The following OSBPL5 variants were observed in gnomAD, a reference collection of about 807,000 sequenced individuals.
OSBPL5 encodes oxysterol-binding protein-related protein 5.
A neutral mutation model predicts 111.2 loss-of-function variants in OSBPL5; 71 were observed. The observed-to-expected ratio is 0.64, with a 90% confidence interval of 0.53 to 0.78. The LOEUF (loss-of-function observed/expected upper bound fraction) is 0.78. Among genes scored for constraint, OSBPL5 ranks in the 30% least tolerant of loss-of-function variants. The pLI is 0.00. For synonymous variants in OSBPL5, 549 were observed against 513.9 expected (o/e 1.07, Z -0.93); for missense variants, 1,210 against 1,189.3 (o/e 1.02, Z -0.26).
At chr11:3,129,759 C>T (rs1395636822) in intron 1 of OSBPL5, among the ~76,000 whole-genome samples, 1 of 152,242 alleles carries the variant, frequency 6.6e-6, no homozygotes, top group Non-Finnish European at 1.5e-5. Flanking sequence ...CAGTTGCACC[C>T]ACATGCACCC....
intron 7 of OSBPL5, among the ~76,000 whole-genome samples, chr11:3,114,953 A>G (rs1339814641): frequency 6.6e-6 from 1 of 152,002 alleles, no homozygotes; most frequent in East Asian, 1.9e-4. Flanking sequence ...AGATATTTTA[A>G]TTTTTTAATT....
intron 11 of OSBPL5, among the ~76,000 whole-genome samples, chr11:3,102,728 C>T (rs921897976): frequency 5.3e-5 from 8 of 152,174 alleles, no homozygotes; most frequent in Admixed American, 5.2e-4. Context: ...TCGTGGTTTT[C>T]AAACTTGCTT....
At chr11:3,139,047 T>C (rs1368601011) in intron 1 of OSBPL5, among the ~76,000 whole-genome samples, 1 of 152,200 alleles carries the variant, frequency 6.6e-6, no homozygotes. Flanking sequence ...TGATGGGTCT[T>C]CGCTGACACC....
intron 1 of OSBPL5, among the ~76,000 whole-genome samples, chr11:3,144,113 C>T (rs948804021): frequency 2.3e-4 from 35 of 152,162 alleles, no homozygotes; most frequent in Admixed American, 4.6e-4. Context: ...AGACCAAACA[C>T]GGGTTTATTG....
intron 11 of OSBPL5, among the ~76,000 whole-genome samples, chr11:3,103,029 G>A (rs777785194): frequency 2.0e-5 from 3 of 152,156 alleles, no homozygotes; most frequent in African/African-American, 4.8e-5. Flanking sequence ...TTGGGGACCC[G>A]GCCTGAGCCA....
rs1296065364 is a variant in OSBPL5 at position 3,092,018 on chromosome 11, T to C, written c.2259+414A>G. Among the ~76,000 whole-genome samples the C allele has an allele frequency of 4.6e-5, 7 of 152,190 alleles. No individual in the cohort carries two copies. The highest frequency in any genetic ancestry group is 1.0e-4 in the Non-Finnish European group (7 of 68,028). ...AAGGCAGCTTCCTCAGGTTACTCCC[T>C]GGAGCCTCCTGCTGTCCCGCTTCCC... On this transcript the variant is annotated intron_variant, in intron 19 of 21. Coordinates refer to ENST00000263650, the MANE Select transcript of OSBPL5 (RefSeq NM_020896.4). The surrounding 1 kb of genome is among the most constrained non-coding windows in gnomAD (Gnocchi z 5.4).
At chr11:3,149,574 C>T (rs1846497665) in intron 1 of OSBPL5, among the ~76,000 whole-genome samples, 1 of 152,252 alleles carries the variant, frequency 6.6e-6, no homozygotes, top group South Asian at 2.1e-4. Context: ...CGTCAGGCAG[C>T]AGCAGCAGCA....
At position 3,162,020 on chromosome 11, in the gene OSBPL5, G is replaced by C. The variant is rs1262708729; in HGVS notation, c.-22+3196C>G. Among the ~76,000 whole-genome samples the C allele has an allele frequency of 6.6e-6, 1 of 152,186 alleles. No individual in the cohort carries two copies. On this transcript the variant is annotated intron_variant, in intron 1 of 21. Transcript: ENST00000263650. The surrounding 1 kb of genome is among the most constrained non-coding windows in gnomAD (Gnocchi z 8.1). ...AGGAGAACAAGGGAAGGGAGACAGA[G>C]TGGAGGGGCATCTAGGGCCTGTGGG...
intron 17 of OSBPL5, 101 bp downstream of exon 17, chr11:3,093,426 C>T: frequency 6.6e-7 from 1 of 1,506,966 alleles, no homozygotes; most frequent in African/African-American, 1.4e-5. Context: ...CTGCCAGGGA[C>T]ATCCTGGGGC....
intron 2 of OSBPL5, among the ~76,000 whole-genome samples, chr11:3,127,484 G>T (rs529849198): frequency 6.6e-6 from 1 of 152,302 alleles, no homozygotes; most frequent in Non-Finnish European, 1.5e-5. Flanking sequence ...AAGTGGTTCT[G>T]TCCAAAGGTC....
chr11:3,141,427 A>G lies in OSBPL5; in HGVS notation c.-21-12258T>C, dbSNP rs1846111151. On this transcript the variant is annotated intron_variant, in intron 1 of 21. Coordinates refer to ENST00000263650, the MANE Select transcript of OSBPL5 (RefSeq NM_020896.4). This position sits in a 1 kb window ranked among gnomAD's most constrained non-coding sequence, Gnocchi z 6.5. Reference sequence around the variant, plus strand: ...CCCCGAGGCCTCCTTGGTTCCCCTCAGAACAGAGCTTCCAGAAGGGCCCCC... The same window carrying G: ...CCCCGAGGCCTCCTTGGTTCCCCTCGGAACAGAGCTTCCAGAAGGGCCCCC... Among the ~76,000 whole-genome samples the G allele has an allele frequency of 6.6e-6, 1 of 152,120 alleles. No individual in the cohort carries two copies. The highest frequency in any genetic ancestry group is 2.4e-5 in the African/African-American group (1 of 41,438).
At position 3,140,023 on chromosome 11, in the gene OSBPL5, C is replaced by T. The variant is rs1356210193; in HGVS notation, c.-21-10854G>A. 6.6e-6 allele frequency among the ~76,000 whole-genome samples: 1 copy of T among 152,232 alleles called. No homozygotes were observed. The highest frequency in any genetic ancestry group is 1.5e-5 in the Non-Finnish European group (1 of 68,030). On this transcript the variant is annotated intron_variant, in intron 1 of 21. Transcript: ENST00000263650. This position sits in a 1 kb window ranked among gnomAD's most constrained non-coding sequence, Gnocchi z 4.5. ...AAGCCAGCCTCACAAGATCATTCAT[C>T]GCAAGCTCTGGGCCCACTGCTCGGC...
chr11:3,114,765 AT>A (rs900436124), intron 7 of OSBPL5, among the ~76,000 whole-genome samples: 6 of 149,740 alleles, frequency 4.0e-5, no homozygotes, highest in African/African-American at 7.4e-5. Context: ...CGCCTGGCTA[AT>A]TTTTTTTTGT....
intron 7 of OSBPL5, 123 bp downstream of exon 7, chr11:3,119,413 TGGCCAGACTTC>T: frequency 2.3e-6 from 2 of 860,996 alleles, no homozygotes; most frequent in Non-Finnish European, 3.4e-6. Context: ...GGGCTCATCC[TGGCCAGACTTC>T]AGGCTGCCCC....
intron 13 of OSBPL5, among the ~76,000 whole-genome samples, chr11:3,100,755 C>A (rs1013235065): frequency 6.6e-6 from 1 of 152,144 alleles, no homozygotes; most frequent in East Asian, 1.9e-4. Context: ...AGGCGCACAC[C>A]TGCCCATGGA....
rs1856921816 is a variant in OSBPL5 at position 3,087,807 on chromosome 11, C to T, written c.*398G>A. 2.9e-5 allele frequency: 2 copies of T among 68,646 alleles called. No homozygotes were observed. Among genetic ancestry groups the T allele is most frequent in the African/African-American group, 9.4e-5 (2 of 21,242 alleles). The allele number at this position is 68,646 out of a possible 1,614,324, so 4.3% of individuals were successfully genotyped here. On this transcript the variant is annotated 3_prime_UTR_variant, in exon 22 of 22. Coordinates refer to ENST00000263650, the MANE Select transcript of OSBPL5 (RefSeq NM_020896.4). The stretch of plus-strand genomic sequence containing the variant: ...GACTCCTGGGCCACTCGGGGCTCCT[C>T]CAAACCTGCCCACTCACTGCTGCTG...
chr11:3,118,168 T>C (rs1858275485), intron 7 of OSBPL5, among the ~76,000 whole-genome samples: 1 of 152,148 alleles, frequency 6.6e-6, no homozygotes, highest in African/African-American at 2.4e-5. Context: ...GGGGGAAATG[T>C]GAAAGGAAAA....
chr11:3,108,861 C>T (rs193035695), intron 7 of OSBPL5, among the ~76,000 whole-genome samples: 2 of 152,148 alleles, frequency 1.3e-5, no homozygotes, highest in African/African-American at 2.4e-5. Context: ...CTCTGCCTCC[C>T]GGGTTCAAGC....
At chr11:3,124,360 A>T (rs142252408) in intron 3 of OSBPL5, among the ~76,000 whole-genome samples, 2 of 152,132 alleles carry the variant, frequency 1.3e-5, no homozygotes, top group African/African-American at 4.8e-5. Context: ...AGTGATAAGG[A>T]GGAGGCAGAT....
Sources: gnomAD v4.1 joint callset for allele counts (sites outside exome capture counted in the v4.1 genomes callset) on GRCh38, gnomAD v4.1.1 for gene constraint, Gnocchi (gnomAD v3.1) non-coding constraint, MANE v1.5 for transcripts, NCBI Gene and HGNC (gene_info 2026-07-23, HGNC 2026-07-21) for gene names.